ZSCAN26: variants seen among roughly 807,000 people sequenced by gnomAD.
ZSCAN26 encodes the protein zinc finger and SCAN domain-containing protein 26.
A neutral mutation model predicts 23.0 loss-of-function variants in ZSCAN26; 26 were observed. The observed-to-expected ratio is 1.13, with a 90% CI of 0.83 to 1.57. ZSCAN26 has a LOEUF of 1.57. Ranked by LOEUF, ZSCAN26 falls within the 40% of genes most tolerant of loss-of-function variation. The pLI is 0.00. For synonymous variants in ZSCAN26, 180 were observed against 202.5 expected (o/e 0.89, Z 0.94); for missense variants, 528 against 568.5 (o/e 0.93, Z 0.72).
At chr6:28,275,358 T>A (rs555025154) in intron 3 of ZSCAN26, among the ~76,000 whole-genome samples, 20 of 152,324 alleles carry the variant, frequency 1.3e-4, no homozygotes, top group African/African-American at 4.6e-4. Flanking sequence ...CGTCTGCTTG[T>A]GTATCTGAGC....
rs142473114 is a variant in ZSCAN26, at chr6:28,270,624, G to A, written c.-66-1230G>A. Among the ~76,000 whole-genome samples, 640 of 152,292 alleles carry A rather than the reference G, an allele frequency of 4.2e-3. 7 individuals are homozygous for A. The highest frequency in any genetic ancestry group is 0.014 in the African/African-American group (575 of 41,562). ...AGAATAAGGAAATCATCAGCATAAG[G>A]ACAGTAATTGAAGTCACAAAAATAC... is the stretch of plus-strand genomic sequence containing the variant. On this transcript the variant is annotated intron_variant, in intron 1 of 3. Coordinates refer to ENST00000421553, the MANE Select transcript of ZSCAN26 (RefSeq NM_001023560.4).
chr6:28,271,862 C>A lies in ZSCAN26; in HGVS notation c.-58C>A. ...TGTTACTATAATTTTAGGAGTGTCT[C>A]TGAAGATACAGTCCAAAGAAAGTTC... On this transcript the variant is annotated 5_prime_UTR_variant, in exon 2 of 4. The change creates a new upstream start codon in the 5' untranslated region. Coordinates refer to ENST00000421553, the MANE Select transcript of ZSCAN26 (RefSeq NM_001023560.4). 7.0e-7 allele frequency: 1 copy of A among 1,435,190 alleles called. No individual in the cohort carries two copies. The highest frequency in any genetic ancestry group is 9.3e-7 in the Non-Finnish European group (1 of 1,073,556). 88.9% of individuals were successfully genotyped at this position (1,435,190 alleles called of 1,614,324 possible). A position where few individuals can be genotyped will look rare whatever the true frequency, so the allele number is the denominator to read the frequency against.
rs1468282604 is a variant in ZSCAN26 at position 28,272,332 on chromosome 6, A to C, written c.413A>C (p.Gln138Pro). ...CAGCTGGATCTTGGAGAAACAGGACAACAGGTGGTAAGGGTCAGATGTGCT... is the reference window on the plus strand; with the variant it reads ...CAGCTGGATCTTGGAGAAACAGGACCACAGGTGGTAAGGGTCAGATGTGCT... Reference protein sequence around the residue: ...DLQLDLGETGQQVDPDQPKKQ... With the variant: ...DLQLDLGETGPQVDPDQPKKQ... Residue 138 changes from glutamine (Q) to proline (P), a missense_variant, in exon 2 of 4, where the codon CAA becomes CCA. Physicochemically the swap from Gln to Pro is moderately conservative, Grantham distance 76. Transcript: ENST00000421553. The C allele has an allele frequency of 1.3e-6, 2 of 1,528,668 alleles. No individual in the cohort carries two copies. 94.7% of individuals were successfully genotyped at this position (1,528,668 alleles called of 1,614,324 possible). A position where few individuals can be genotyped will look rare whatever the true frequency, so the allele number is the denominator to read the frequency against.
chr6:28,273,325 C>T (rs1351206659), intron 3 of ZSCAN26, among the ~76,000 whole-genome samples: 1 of 151,980 alleles, frequency 6.6e-6, no homozygotes, highest in Non-Finnish European at 1.5e-5. Context: ...GGTAGGTATA[C>T]GAGGTCAGGA....
In ZSCAN26 at chr6:28,272,314, A is replaced by T. The variant is rs145722921; in HGVS notation, c.395A>T (p.Asp132Val). ...VVVVLEDLQL[D>V]LGETGQQVDP... The stretch of plus-strand genomic sequence containing the variant: ...GTTGTTCTGGAGGATTTGCAGCTGG[A>T]TCTTGGAGAAACAGGACAACAGGTG... Residue 132 changes from aspartate (D) to valine (V), a missense_variant, in exon 2 of 4, where the codon GAT (aspartate) becomes GTT (valine). Coordinates refer to ENST00000421553, the MANE Select transcript of ZSCAN26 (RefSeq NM_001023560.4). The T allele has an allele frequency of 4.6e-4, 712 of 1,554,604 alleles. No homozygotes were observed. The highest frequency in any genetic ancestry group is 2.3e-3 in the Admixed American group (116 of 50,662).
chr6:28,276,122 TCC>T, intron 3 of ZSCAN26, 71 bp from the exon 4 acceptor site: 18 of 1,369,332 alleles, frequency 1.3e-5, no homozygotes, highest in Non-Finnish European at 1.5e-5. Context: ...TATTTTTTTT[TCC>T]TTTTAGTTGC....
intron 3 of ZSCAN26, among the ~76,000 whole-genome samples, chr6:28,274,842 G>T (rs1267631306): frequency 6.6e-6 from 1 of 151,972 alleles, no homozygotes; most frequent in East Asian, 1.9e-4. Flanking sequence ...GTTGTTTTTT[G>T]GTTTCATCCT....
intron 3 of ZSCAN26, among the ~76,000 whole-genome samples, chr6:28,273,235 C>T (rs1186688925): frequency 6.6e-6 from 1 of 151,984 alleles, no homozygotes; most frequent in African/African-American, 2.4e-5. Context: ...TCAGTCTGGG[C>T]AACATCTCTT....
rs1405908815 is a variant in ZSCAN26, at chr6:28,276,805, C to G, written c.1149C>G (p.Thr383=). The part of the protein sequence containing the change: ...GKTFSQALLL[T]HHQRIHSHSK... Reference sequence around the variant, plus strand: ...CCTTTAGTCAGGCCTTACTCCTCACCCACCATCAGAGAATCCATAGTCACT... The same window carrying G: ...CCTTTAGTCAGGCCTTACTCCTCACGCACCATCAGAGAATCCATAGTCACT... The change falls in exon 4 of 4, where the codon ACC becomes ACG. Residue 383 remains threonine (T), a synonymous_variant. Coordinates refer to ENST00000421553, the MANE Select transcript of ZSCAN26 (RefSeq NM_001023560.4). The G allele has an allele frequency of 1.2e-6, 2 of 1,613,912 alleles. No homozygotes were observed. The highest frequency in any genetic ancestry group is 1.7e-6 in the Non-Finnish European group (2 of 1,179,856).
rs754965811 is a variant in ZSCAN26 at position 28,272,186 on chromosome 6, G to A, written c.267G>A (p.Gln89=). The change falls in exon 2 of 4, where the codon CAG becomes CAA. Residue 89 remains glutamine (Q), a synonymous_variant. Transcript: ENST00000421553. ...WLQPETHTKE[Q]ILELLVLEQF... is the part of the protein sequence containing the mutation. ...AGCCCGAGACCCATACCAAGGAGCAGATCCTGGAGCTGCTGGTGCTGGAGC... is the reference window on the plus strand; with the variant it reads ...AGCCCGAGACCCATACCAAGGAGCAAATCCTGGAGCTGCTGGTGCTGGAGC... 2 of 1,613,974 alleles carry A rather than the reference G, an allele frequency of 1.2e-6. No individual in the cohort carries two copies. The highest frequency in any genetic ancestry group is 1.7e-6 in the Non-Finnish European group (2 of 1,180,026).
intron 3 of ZSCAN26, among the ~76,000 whole-genome samples, chr6:28,273,415 G>T (rs1189278036): frequency 6.6e-6 from 1 of 152,044 alleles, no homozygotes; most frequent in African/African-American, 2.4e-5. Flanking sequence ...GGTGGCGGGT[G>T]CCTGTAATCC....
intron 3 of ZSCAN26, 58 bp from the exon 4 acceptor site, chr6:28,276,132 TGCAGA>T: frequency 2.1e-6 from 3 of 1,454,100 alleles, no homozygotes; most frequent in Non-Finnish European, 2.8e-6. Flanking sequence ...TCCTTTTAGT[TGCAGA>T]TTCCTTTCCC....
rs964939285 is a variant in ZSCAN26 at position 28,273,796 on chromosome 6, C to T, written c.538+1009C>T. Among the ~76,000 whole-genome samples the T allele has an allele frequency of 2.6e-5, 4 of 151,706 alleles. No homozygotes were observed. The East Asian group carries it at 7.8e-4, about 29-fold the overall frequency. On this transcript the variant is annotated intron_variant, in intron 3 of 3. Coordinates refer to ENST00000421553, the MANE Select transcript of ZSCAN26 (RefSeq NM_001023560.4). Reference sequence around the variant, plus strand: ...ACAATGGTGCAGTCATAGCTCACTACAGCCTTGACCTTCCAGGCTCAAGTG... The same window carrying T: ...ACAATGGTGCAGTCATAGCTCACTATAGCCTTGACCTTCCAGGCTCAAGTG...
chr6:28,270,334 G>A (rs910063644), intron 1 of ZSCAN26, among the ~76,000 whole-genome samples: 3 of 152,154 alleles, frequency 2.0e-5, no homozygotes, highest in Non-Finnish European at 2.9e-5. Flanking sequence ...GCCTTCTCCC[G>A]TTCTCCCACT....
rs1358139925 is a variant in ZSCAN26 at position 28,276,718 on chromosome 6, T to G, written c.1062T>G (p.Leu354=). The G allele has an allele frequency of 6.2e-7, 1 of 1,613,478 alleles. No homozygotes were observed. The highest frequency in any genetic ancestry group is 8.5e-7 in the Non-Finnish European group (1 of 1,179,706). The change falls in exon 4 of 4, where the codon CTT becomes CTG. Residue 354 remains leucine (L), a synonymous_variant. Coordinates refer to ENST00000421553, the MANE Select transcript of ZSCAN26 (RefSeq NM_001023560.4). Reference sequence around the variant, plus strand: ...AAAATTTTAGGCGCAGCTCTCACCTTAATCGACATCAGAGAATTCACAGTC... The same window carrying G: ...AAAATTTTAGGCGCAGCTCTCACCTGAATCGACATCAGAGAATTCACAGTC... ...CGKNFRRSSH[L]NRHQRIHSQE... is the part of the protein sequence containing the mutation.
chr6:28,268,088 T>C (rs190876517), intron 1 of ZSCAN26, among the ~76,000 whole-genome samples: 1 of 152,296 alleles, frequency 6.6e-6, no homozygotes, highest in Admixed American at 6.5e-5. Context: ...GAGGTTTAGC[T>C]TTGGTACCTC....
chr6:28,276,654 A>G lies in ZSCAN26; in HGVS notation c.998A>G (p.His333Arg). 1 of 1,611,624 alleles carries G rather than the reference A, an allele frequency of 6.2e-7. No individual in the cohort carries two copies. The highest frequency in any genetic ancestry group is 1.3e-5 in the African/African-American group (1 of 75,044). ...GGCCTTTTGGAACATCTCAGAATTCATACTGGAGAGAAACCTTATCTATGT... is the reference window on the plus strand; with the variant it reads ...GGCCTTTTGGAACATCTCAGAATTCGTACTGGAGAGAAACCTTATCTATGT... ...NAGLLEHLRI[H>R]TGEKPYLCIH... The change falls in exon 4 of 4, where the codon CAT becomes CGT. Residue 333 changes from histidine to arginine, a missense_variant. Coordinates refer to ENST00000421553, the MANE Select transcript of ZSCAN26 (RefSeq NM_001023560.4).
intron 3 of ZSCAN26, among the ~76,000 whole-genome samples, chr6:28,275,051 T>C (rs1306385405): frequency 6.6e-6 from 1 of 152,186 alleles, no homozygotes; most frequent in Non-Finnish European, 1.5e-5. Context: ...CTTTCTCTGA[T>C]GTCTCCTTAC....
rs769518702 is a variant in ZSCAN26, at chr6:28,277,046, T to C, written c.1390T>C (p.Ser464Pro). ...SECGEAFRQR[S>P]GLFQHQRYHH... ...ATGTGGAGAAGCCTTCAGGCAAAGG[T>C]CAGGTCTTTTTCAACATCAGAGATA... Residue 464 changes from serine to proline, a missense_variant, in exon 4 of 4, where the codon TCA becomes CCA. Physicochemically the swap from Ser to Pro is moderately conservative, Grantham distance 74. Coordinates refer to ENST00000421553, the MANE Select transcript of ZSCAN26 (RefSeq NM_001023560.4). 1.1e-4 allele frequency: 181 copies of C among 1,613,808 alleles called. No individual in the cohort carries two copies. The highest frequency in any genetic ancestry group is 4.9e-4 in the Middle Eastern group (3 of 6,062).
Sources: allele counts gnomAD v4.1 joint callset (sites outside exome capture counted in the v4.1 genomes callset), GRCh38; gene constraint gnomAD v4.1.1; transcripts MANE v1.5; gene names NCBI Gene and HGNC (gene_info 2026-07-23, HGNC 2026-07-21).